The following FRAS1 variants were observed in gnomAD, a reference collection of about 807,000 sequenced individuals.
The protein encoded by FRAS1 is Fraser extracellular matrix complex subunit 1.
Under a neutral mutation model 435.2 loss-of-function variants are expected in FRAS1, and 290 were observed. The observed-to-expected ratio is 0.67, with a 90% CI of 0.61 to 0.73. The LOEUF (loss-of-function observed/expected upper bound fraction) is 0.73. Among genes scored for constraint, FRAS1 ranks in the 30% least tolerant of loss-of-function variants. The pLI is 0.00. For missense variants in FRAS1, 4,860 were observed against 5,001.5 expected, an observed-to-expected ratio of 0.97 and a Z score of 0.85; for synonymous variants, 1,800 against 1,851.0, an observed-to-expected ratio of 0.97 and a Z score of 0.71.
At chr4:78,160,578 C>T (rs191101433) in intron 2 of FRAS1, among the ~76,000 whole-genome samples, 9 of 152,142 alleles carry the variant, frequency 5.9e-5, no homozygotes, top group Admixed American at 5.9e-4. Flanking sequence ...TTTATGTAGG[C>T]ATTGGAGTGT....
At position 78,102,738 on chromosome 4, in the gene FRAS1, A is replaced by G. The variant is rs1485220423; in HGVS notation, c.108+36722A>G. 2.0e-5 allele frequency among the ~76,000 whole-genome samples: 3 copies of G among 152,162 alleles called. No individual in the cohort carries two copies. In the South Asian group the frequency reaches 6.2e-4, roughly 31 times the overall value. On this transcript the variant is annotated intron_variant, in intron 2 of 73. Transcript: ENST00000512123. ...ATTACTATGGGTTTCTCTCTGTCAGATATACCTAAATTTGTTGCACTGATC... is the reference window on the plus strand; with the variant it reads ...ATTACTATGGGTTTCTCTCTGTCAGGTATACCTAAATTTGTTGCACTGATC...
chr4:78,257,259 C>G (rs1725837736), intron 6 of FRAS1, among the ~76,000 whole-genome samples: 1 of 152,178 alleles, frequency 6.6e-6, no homozygotes, highest in Non-Finnish European at 1.5e-5. Flanking sequence ...TATTTTTAAT[C>G]AGTATGCTAC....
intron 2 of FRAS1, among the ~76,000 whole-genome samples, chr4:78,169,624 G>A (rs1016565439): frequency 2.6e-5 from 4 of 152,064 alleles, no homozygotes; most frequent in Admixed American, 2.6e-4. Flanking sequence ...CCCTCAAATG[G>A]ATGAGATGCT....
At chr4:78,264,943 T>A in intron 6 of FRAS1, 82 bp from the exon 7 acceptor site, 1 of 801,098 alleles carries the variant, frequency 1.2e-6, no homozygotes, top group Non-Finnish European at 2.2e-6. Flanking sequence ...ATGATTTAGT[T>A]GGCTGTGAAT....
At chr4:78,401,091 G>A (rs1002472228) in intron 30 of FRAS1, among the ~76,000 whole-genome samples, 1 of 152,064 alleles carries the variant, frequency 6.6e-6, no homozygotes, top group Non-Finnish European at 1.5e-5. Flanking sequence ...TTATAAACAC[G>A]TTATATGTAA....
chr4:78,131,154 ATTC>A (rs1316852741), intron 2 of FRAS1, among the ~76,000 whole-genome samples: 1 of 152,218 alleles, frequency 6.6e-6, no homozygotes, highest in Non-Finnish European at 1.5e-5. Flanking sequence ...GAGGAAAATA[ATTC>A]TTCTCAGCAT....
chr4:78,265,938 A>C (rs1056836337), intron 7 of FRAS1, among the ~76,000 whole-genome samples: 2 of 152,212 alleles, frequency 1.3e-5, no homozygotes, highest in Non-Finnish European at 2.9e-5. Flanking sequence ...AAGGATTTTT[A>C]TATGTGCTAG....
chr4:78,330,580 G>A (rs1365234621), intron 18 of FRAS1, among the ~76,000 whole-genome samples: 2 of 150,992 alleles, frequency 1.3e-5, no homozygotes, highest in Non-Finnish European at 2.9e-5. Flanking sequence ...GAGAATGCGC[G>A]CCTGGGGGGT....
chr4:78,252,402 A>C lies in FRAS1; in HGVS notation c.320A>C (p.Glu107Ala). The change falls in exon 5 of 74, where the codon GAA (glutamate) becomes GCA (alanine). Residue 107 changes from glutamate (E) to alanine (A), a missense_variant. Coordinates refer to ENST00000512123, the MANE Select transcript of FRAS1 (RefSeq NM_025074.7). ...HEKKIHEHGT[E>A]WASSPCSVCS... ...CTCCCTAACACACAGCATGGGACAG[A>C]ATGGGCCTCTTCTCCATGTAGTGTG... 1 of 1,613,586 alleles carries C rather than the reference A, an allele frequency of 6.2e-7. No homozygotes were observed. The highest frequency in any genetic ancestry group is 8.5e-7 in the Non-Finnish European group (1 of 1,179,762).
intron 18 of FRAS1, among the ~76,000 whole-genome samples, chr4:78,323,331 TGTA>T (rs1451530267): frequency 6.6e-6 from 1 of 152,204 alleles, no homozygotes; most frequent in Non-Finnish European, 1.5e-5. Flanking sequence ...TTGTAGTAAT[TGTA>T]GTAATTTCAT....
chr4:78,363,976 C>T lies in FRAS1; in HGVS notation c.2644C>T (p.Leu882Phe). 1 of 1,612,444 alleles carries T rather than the reference C, an allele frequency of 6.2e-7. No individual in the cohort carries two copies. Among genetic ancestry groups the T allele is most frequent in the Non-Finnish European group, 8.5e-7 (1 of 1,179,172 alleles). Residue 882 changes from leucine to phenylalanine, a missense_variant, in exon 22 of 74, where the codon CTC (leucine) becomes TTC (phenylalanine). Coordinates refer to ENST00000512123, the MANE Select transcript of FRAS1 (RefSeq NM_025074.7). ...PFSCSSCDTNLVLSHTGTCST... is the reference protein window; with the variant it reads ...PFSCSSCDTNFVLSHTGTCST... ...CTCCTGCTCCTCATGTGACACCAACCTCGTGCTGTCCCACACTGGCACCTG... is the reference window on the plus strand; with the variant it reads ...CTCCTGCTCCTCATGTGACACCAACTTCGTGCTGTCCCACACTGGCACCTG...
chr4:78,513,692 A>T, intron 65 of FRAS1, 140 bp downstream of exon 65: 1 of 736,442 alleles, frequency 1.4e-6, no homozygotes, highest in South Asian at 1.8e-5. Flanking sequence ...TCTAGCACAC[A>T]TGCAAATGCC....
intron 2 of FRAS1, among the ~76,000 whole-genome samples, chr4:78,116,622 A>T (rs1743202602): frequency 6.6e-6 from 1 of 152,118 alleles, no homozygotes; most frequent in South Asian, 2.1e-4. Flanking sequence ...CTTGGTTTAA[A>T]GTCTGTTTTA....
intron 66 of FRAS1, 44 bp from the exon 67 acceptor site, chr4:78,519,287 C>A (rs1721311504): frequency 1.4e-6 from 2 of 1,451,008 alleles, no homozygotes; most frequent in Non-Finnish European, 9.1e-7. Context: ...GTCTTTTCAT[C>A]CCAGGGGAGA....
chr4:78,504,962 T>A (rs1434408176), intron 61 of FRAS1, among the ~76,000 whole-genome samples: 1 of 152,192 alleles, frequency 6.6e-6, no homozygotes, highest in African/African-American at 2.4e-5. Flanking sequence ...TCTAAAGGAT[T>A]TTATTTCTCC....
chr4:78,471,663 T>C (rs1487963162), intron 51 of FRAS1, among the ~76,000 whole-genome samples: 2 of 152,210 alleles, frequency 1.3e-5, no homozygotes, highest in African/African-American at 4.8e-5. Flanking sequence ...ACTAAATACT[T>C]CAATGAATGA....
At position 78,413,026 on chromosome 4, in the gene FRAS1, A is replaced by G. The variant is rs774962326; in HGVS notation, c.4366A>G (p.Ile1456Val). 3 of 1,611,070 alleles carry G rather than the reference A, an allele frequency of 1.9e-6. No homozygotes were observed. Among genetic ancestry groups the G allele is most frequent in the South Asian group, 2.2e-5 (2 of 90,290 alleles). Residue 1456 changes from isoleucine (I) to valine (V), a missense_variant, in exon 32 of 74, where the codon ATC becomes GTC. Ile to Val is a conservative substitution (Grantham distance 29). Transcript: ENST00000512123. ...GGAGAGCCACATGTTCAACATCGCG[A>G]TCTTACCACAGACACCTGAAGCACC... ...RLESHMFNIA[I>V]LPQTPEAPKV...
intron 31 of FRAS1, among the ~76,000 whole-genome samples, chr4:78,410,891 A>G (rs1368165925): frequency 6.6e-6 from 1 of 152,190 alleles, no homozygotes; most frequent in African/African-American, 2.4e-5. Flanking sequence ...TGTTTATTCT[A>G]AAGTCTCATT....
In FRAS1 at chr4:78,333,342, T is replaced by C. The variant is rs777170581; in HGVS notation, c.2208T>C (p.His736=). The C allele has an allele frequency of 4.7e-5, 76 of 1,612,530 alleles. No homozygotes were observed. Among genetic ancestry groups the C allele is most frequent in the Non-Finnish European group, 6.2e-5 (73 of 1,179,414 alleles). The stretch of plus-strand genomic sequence containing the variant: ...ACTGCACAGACTGTGGGCCTTCCCA[T>C]GTGCTGTTGGATGGGCAGTGCCTCT... ...PHNCTDCGPS[H]VLLDGQCLSQ... is the part of the protein sequence containing the mutation. Residue 736 remains histidine, a synonymous_variant, in exon 19 of 74, where the codon CAT becomes CAC. Coordinates refer to ENST00000512123, the MANE Select transcript of FRAS1 (RefSeq NM_025074.7).
Sources: gnomAD v4.1 joint callset for allele counts (sites outside exome capture counted in the v4.1 genomes callset) on GRCh38, gnomAD v4.1.1 for gene constraint, MANE v1.5 for transcripts, NCBI Gene and HGNC (gene_info 2026-07-23, HGNC 2026-07-21) for gene names.